Variants in PPP1R13B observed in about 807,000 individuals in gnomAD.
The protein encoded by PPP1R13B is apoptosis-stimulating of p53 protein 1.
Under a neutral mutation model 119.8 loss-of-function variants are expected in PPP1R13B, and 44 were observed. The ratio of observed to expected loss-of-function variants is 0.37; its 90% CI spans 0.29 to 0.47. The LOEUF is 0.47. Among genes scored for constraint, PPP1R13B ranks in the 20% least tolerant of loss-of-function variants. The pLI is 0.99. For missense variants in PPP1R13B, 1,227 were observed against 1,413.5 expected (o/e 0.87, Z 2.12); for synonymous variants, 542 against 561.5 (o/e 0.97, Z 0.49).
At chr14:103,804,083 T>C in intron 1 of PPP1R13B, 1 of 984,416 alleles carries the variant, frequency 1.0e-6, no homozygotes, top group Non-Finnish European at 1.2e-6. Context: ...TGTCTTAACT[T>C]GCTCCATTTT....
chr14:103,806,308 G>C (rs1419382456), intron 1 of PPP1R13B, among the ~76,000 whole-genome samples: 1 of 152,160 alleles, frequency 6.6e-6, no homozygotes, highest in Non-Finnish European at 1.5e-5. Context: ...TAAAGTATTA[G>C]ATCCCCCAGC....
In PPP1R13B at chr14:103,847,279, TCCC is replaced by T; in HGVS notation, c.9+17_9+19del. On this transcript the variant is annotated intron_variant, in intron 1 of 16. Coordinates refer to ENST00000202556, the MANE Select transcript of PPP1R13B (RefSeq NM_015316.3). ...GCCCGCGGAGGAAGCCGCCGCCACC[TCCC>T]GCCCGCCCTCACCCACCGGCATCAT... The T allele has an allele frequency of 8.4e-7, 1 of 1,193,140 alleles. No individual in the cohort carries two copies. The highest frequency in any genetic ancestry group is 1.1e-6 in the Non-Finnish European group (1 of 947,374). The allele number at this position is 1,193,140 out of a possible 1,614,324, so 73.9% of individuals were successfully genotyped here.
At chr14:103,754,049 G>A (rs1294341317) in intron 6 of PPP1R13B, 21 bp downstream of exon 6, 9 of 1,609,076 alleles carry the variant, frequency 5.6e-6, no homozygotes, top group Non-Finnish European at 7.6e-6. Flanking sequence ...GTGGTGTCGA[G>A]GGGGTGTTGC....
rs566875421 is a variant in PPP1R13B at position 103,831,465 on chromosome 14, C to T, written c.9+15834G>A. Among the ~76,000 whole-genome samples the T allele has an allele frequency of 5.3e-5, 8 of 150,928 alleles. No individual in the cohort carries two copies. The East Asian group carries it at 1.4e-3, about 26-fold the overall frequency. ...GCTGGCATTACAGGGCGCCTGTCACCACACCCGGCTAATTTTTGTATTTTT... is the reference window on the plus strand; with the variant it reads ...GCTGGCATTACAGGGCGCCTGTCACTACACCCGGCTAATTTTTGTATTTTT... On this transcript the variant is annotated intron_variant, in intron 1 of 16. Transcript: ENST00000202556.
intron 3 of PPP1R13B, among the ~76,000 whole-genome samples, chr14:103,779,105 T>C (rs1346572372): frequency 1.3e-5 from 2 of 151,884 alleles, no homozygotes; most frequent in African/African-American, 2.4e-5. Flanking sequence ...CTCAGCAACA[T>C]GGGGAGACTT....
rs903685346 is a variant in PPP1R13B, at chr14:103,784,658, T to A, written c.277+137A>T. On this transcript the variant is annotated intron_variant, in intron 3 of 16. Coordinates refer to ENST00000202556, the MANE Select transcript of PPP1R13B (RefSeq NM_015316.3). Reference sequence around the variant, plus strand: ...AACACTAACAGAAGCCAAAGTAACATGGGATACCAACTTTCCCTCTAGCCA... The same window carrying A: ...AACACTAACAGAAGCCAAAGTAACAAGGGATACCAACTTTCCCTCTAGCCA... The A allele has an allele frequency of 5.4e-5, 33 of 615,400 alleles. No homozygotes were observed. The African/African-American group carries it at 6.5e-4, about 12-fold the overall frequency. 38.1% of individuals were successfully genotyped at this position (615,400 alleles called of 1,614,324 possible). A position where few individuals can be genotyped will look rare whatever the true frequency, so the allele number is the denominator to read the frequency against.
rs745651486 is a variant in PPP1R13B at position 103,742,065 on chromosome 14, T to C, written c.1547A>G (p.Gln516Arg). Residue 516 changes from glutamine (Q) to arginine (R), a missense_variant, in exon 11 of 17, where the codon CAA becomes CGA. Transcript: ENST00000202556. The surrounding 1 kb of genome is among the most constrained non-coding windows in gnomAD (Gnocchi z 4.9). ...TACGGAAATCCTCTGCTGAATCTGT[T>C]GTGAGGAGCCTGGCTGGGGGGTGCT... is the stretch of plus-strand genomic sequence containing the variant. Reference protein sequence around the residue: ...TGSTPQPGSSQQIQQRISVPP... With the variant: ...TGSTPQPGSSRQIQQRISVPP... 26 of 1,614,026 alleles carry C rather than the reference T, an allele frequency of 1.6e-5. No homozygotes were observed. The South Asian group carries it at 2.7e-4, about 17-fold the overall frequency.
intron 1 of PPP1R13B, among the ~76,000 whole-genome samples, chr14:103,826,132 C>T (rs2086534923): frequency 6.6e-6 from 1 of 152,168 alleles, no homozygotes; most frequent in African/African-American, 2.4e-5. Flanking sequence ...CTGCCTTGGC[C>T]TCCCAAAGTG....
chr14:103,736,092 T>C lies in PPP1R13B; in HGVS notation c.3142A>G (p.Ile1048Val), dbSNP rs769684446. 3.8e-5 allele frequency: 62 copies of C among 1,614,092 alleles called. 3 individuals carry two copies. The highest frequency in any genetic ancestry group is 4.0e-5 in the African/African-American group (3 of 74,932). ...TCGCTTTCGTCCTTGCGCCTCAGGA[T>C]GGTGAGGGCGTCCCCTTCGTGGAAG... ...LSFHEGDALT[I>V]LRRKDESETE... The change falls in exon 16 of 17, where the codon ATC (isoleucine) becomes GTC (valine). Residue 1048 changes from isoleucine (I) to valine (V), a missense_variant. By Grantham distance (29) the Ile-to-Val change is conservative. Transcript: ENST00000202556.
chr14:103,746,459 G>C lies in PPP1R13B; in HGVS notation c.1064C>G (p.Ala355Gly), dbSNP rs2084388563. The C allele has an allele frequency of 1.9e-6, 3 of 1,614,000 alleles. No homozygotes were observed. The highest frequency in any genetic ancestry group is 2.5e-6 in the Non-Finnish European group (3 of 1,179,980). The change falls in exon 9 of 17, where the codon GCC (alanine) becomes GGC (glycine). Residue 355 changes from alanine to glycine, a missense_variant. By Grantham distance (60) the Ala-to-Gly change is moderately conservative. Transcript: ENST00000202556. Reference sequence around the variant, plus strand: ...GTCCCCCAGCACAGGAAAGCTTCCGGCACTGGGAACCTGGATATAAGGCCC... The same window carrying C: ...GTCCCCCAGCACAGGAAAGCTTCCGCCACTGGGAACCTGGATATAAGGCCC... ...AVGPYIQVPS[A>G]GSFPVLGDPI... is the part of the protein sequence containing the mutation.
At chr14:103,736,742 C>T (rs1444077339) in intron 15 of PPP1R13B, 1 of 155,142 alleles carries the variant, frequency 6.4e-6, no homozygotes, top group Non-Finnish European at 1.4e-5. Context: ...CGGGACTCAC[C>T]TGGGGGCTGC....
upstream of PPP1R13B, chr14:103,848,245 G>T: frequency 1.0e-6 from 1 of 985,216 alleles, no homozygotes; most frequent in Non-Finnish European, 1.2e-6. Flanking sequence ...CTAGAACCCC[G>T]CGCCCACCTG....
Position 103,735,073 on chromosome 14 carries a change from A to C in PPP1R13B, c.*81T>G. 1 of 1,501,432 alleles carries C rather than the reference A, an allele frequency of 6.7e-7. No individual in the cohort carries two copies. The highest frequency in any genetic ancestry group is 9.3e-7 in the Non-Finnish European group (1 of 1,077,966). The allele number at this position is 1,501,432 out of a possible 1,614,324, so 93.0% of individuals were successfully genotyped here. A position where few individuals can be genotyped will look rare whatever the true frequency, so the allele number is the denominator to read the frequency against. Reference sequence around the variant, plus strand: ...ACCATTAAGACCATTTTCTAGCTGCAGCTTTCCTGGAAAACAGCACAATAA... The same window carrying C: ...ACCATTAAGACCATTTTCTAGCTGCCGCTTTCCTGGAAAACAGCACAATAA... On this transcript the variant is annotated 3_prime_UTR_variant, in exon 17 of 17. Coordinates refer to ENST00000202556, the MANE Select transcript of PPP1R13B (RefSeq NM_015316.3).
intron 8 of PPP1R13B, among the ~76,000 whole-genome samples, chr14:103,748,769 G>A (rs1198793856): frequency 6.6e-6 from 1 of 152,214 alleles, no homozygotes; most frequent in East Asian, 1.9e-4. Context: ...CAAGACTCAG[G>A]ACTCCCTGCC....
In PPP1R13B at chr14:103,742,657, C is replaced by G. The variant is rs1567086054; in HGVS notation, c.1317G>C (p.Lys439Asn). Residue 439 changes from lysine (K) to asparagine (N), a missense_variant, in exon 10 of 17, where the codon AAG (lysine) becomes AAC (asparagine). Lys to Asn is a moderately conservative substitution (Grantham distance 94). Coordinates refer to ENST00000202556, the MANE Select transcript of PPP1R13B (RefSeq NM_015316.3). This position sits in a 1 kb window ranked among gnomAD's most constrained non-coding sequence, Gnocchi z 4.9. ...TGTGGTAAAGACACAGGCCTACCGG[C>G]TTCTCCGTGGGTCCCAGTGCTGAGA... ...VPFSALGPTE[K>N]PGIEIGKVPP... 1 of 1,613,660 alleles carries G rather than the reference C, an allele frequency of 6.2e-7. No individual in the cohort carries two copies. The highest frequency in any genetic ancestry group is 8.5e-7 in the Non-Finnish European group (1 of 1,179,930).
At chr14:103,772,812 GTGCACAACCA>G (rs1309256943) in intron 4 of PPP1R13B, among the ~76,000 whole-genome samples, 1 of 151,856 alleles carries the variant, frequency 6.6e-6, no homozygotes, top group Non-Finnish European at 1.5e-5. Context: ...GATTACAGGC[GTGCACAACCA>G]TGCTGGGCTA....
chr14:103,737,870 A>G lies in PPP1R13B; in HGVS notation c.2865-10T>C. 2.5e-6 allele frequency: 4 copies of G among 1,611,370 alleles called. No individual in the cohort carries two copies. Among genetic ancestry groups the G allele is most frequent in the Non-Finnish European group, 3.4e-6 (4 of 1,178,760 alleles). ...GCAGTGCAGCGGCGTCCTGGAATAG[A>G]GCGTGGGTGAAGGTGCAGGCCTGGC... On this transcript the variant is annotated splice_polypyrimidine_tract_variant and intron_variant, in intron 14 of 16. Transcript: ENST00000202556.
At chr14:103,757,587 TA>T in intron 5 of PPP1R13B, 62 bp downstream of exon 5, 2 of 1,481,196 alleles carry the variant, frequency 1.4e-6, no homozygotes, top group Non-Finnish European at 1.9e-6. Context: ...AACCCCAGTC[TA>T]AAATGATGGT....
At chr14:103,762,413 T>C (rs2084828041) in intron 4 of PPP1R13B, among the ~76,000 whole-genome samples, 2 of 128,612 alleles carry the variant, frequency 1.6e-5, no homozygotes, top group Admixed American at 1.9e-4. Flanking sequence ...ATTATGGTTA[T>C]AATAGGCAAG....
Sources: gnomAD v4.1 joint callset for allele counts (sites outside exome capture counted in the v4.1 genomes callset) on GRCh38, gnomAD v4.1.1 for gene constraint, Gnocchi (gnomAD v3.1) non-coding constraint, MANE v1.5 for transcripts, NCBI Gene and HGNC (gene_info 2026-07-23, HGNC 2026-07-21) for gene names.